The following SLC25A21 variants were observed in gnomAD, a reference collection of about 807,000 sequenced individuals.
The protein encoded by SLC25A21 is solute carrier family 25 member 21.
Under a neutral mutation model 43.8 loss-of-function variants are expected in SLC25A21, and 47 were observed. The ratio of observed to expected loss-of-function variants is 1.07; its 90% confidence interval spans 0.85 to 1.37. SLC25A21 has a LOEUF of 1.37. Ranked by LOEUF, SLC25A21 falls within the 40% of genes most tolerant of loss-of-function variation. SLC25A21 has a pLI of 0.00. For synonymous variants in SLC25A21, 131 were observed against 121.3 expected, an observed-to-expected ratio of 1.08 and a Z score of -0.52; for missense variants, 352 against 350.2, an observed-to-expected ratio of 1.00 and a Z score of -0.04.
intron 1 of SLC25A21, among the ~76,000 whole-genome samples, chr14:37,083,431 C>A (rs572763061): frequency 6.6e-6 from 1 of 152,180 alleles, no homozygotes; most frequent in African/African-American, 2.4e-5. Flanking sequence ...CAATAACACA[C>A]GTTCAGTGAC....
intron 1 of SLC25A21, among the ~76,000 whole-genome samples, chr14:37,003,433 CTA>C (rs1960531219): frequency 6.6e-6 from 1 of 152,122 alleles, no homozygotes; most frequent in Admixed American, 6.6e-5. Flanking sequence ...CCATGGAAAA[CTA>C]AAACTATGGA....
At chr14:37,139,138 G>T (rs185551319) in intron 1 of SLC25A21, among the ~76,000 whole-genome samples, 161 of 152,160 alleles carry the variant, frequency 1.1e-3, no homozygotes, top group African/African-American at 3.7e-3. Flanking sequence ...TATAGGGAAA[G>T]ATTTTAAGGA....
chr14:36,964,115 AATT>A (rs1959560721), intron 1 of SLC25A21, among the ~76,000 whole-genome samples: 1 of 152,230 alleles, frequency 6.6e-6, no homozygotes, highest in South Asian at 2.1e-4. Flanking sequence ...CATAAATACT[AATT>A]ATCATGGATT....
intron 7 of SLC25A21, among the ~76,000 whole-genome samples, chr14:36,688,578 C>T (rs778202014): frequency 3.3e-5 from 5 of 152,204 alleles, no homozygotes; most frequent in Non-Finnish European, 7.3e-5. Context: ...GGCTGCCTGC[C>T]GCCTTCGGTC....
chr14:37,146,146 T>C (rs1036887236), intron 1 of SLC25A21, among the ~76,000 whole-genome samples: 5 of 152,242 alleles, frequency 3.3e-5, no homozygotes, highest in Non-Finnish European at 5.9e-5. Flanking sequence ...TAAAAATTGA[T>C]AAATAAAACA....
At chr14:36,846,833 T>C (rs958177009) in intron 2 of SLC25A21, among the ~76,000 whole-genome samples, 11 of 152,162 alleles carry the variant, frequency 7.2e-5, no homozygotes, top group African/African-American at 2.4e-5. Flanking sequence ...TTGCATTCCA[T>C]GGAAGGAGAT....
At chr14:36,911,754 T>A (rs906006890) in intron 1 of SLC25A21, among the ~76,000 whole-genome samples, 10 of 151,948 alleles carry the variant, frequency 6.6e-5, no homozygotes, top group African/African-American at 2.4e-4. Context: ...TCAAGACCAG[T>A]AGGAGGATAA....
chr14:36,757,310 A>C (rs1271306643), intron 3 of SLC25A21, among the ~76,000 whole-genome samples: 1 of 152,178 alleles, frequency 6.6e-6, no homozygotes, highest in African/African-American at 2.4e-5. Context: ...ACCCAAATAC[A>C]TATAAAGTAC....
chr14:36,849,653 T>C lies in SLC25A21; in HGVS notation c.119+25303A>G, dbSNP rs139054748. Among the ~76,000 whole-genome samples, 51 of 152,284 alleles carry C rather than the reference T, an allele frequency of 3.3e-4. 1 individual carries two copies. The highest frequency in any genetic ancestry group is 1.2e-3 in the African/African-American group (49 of 41,558). On this transcript the variant is annotated intron_variant, in intron 2 of 9. Transcript: ENST00000331299. ...ACTCTTTAGTAAGACAAGGTGAAAT[T>C]AGATAGAAATGCCATTTCTAAAGCT...
At chr14:37,131,410 CTGTT>C (rs1410488261) in intron 1 of SLC25A21, among the ~76,000 whole-genome samples, 1 of 152,186 alleles carries the variant, frequency 6.6e-6, no homozygotes, top group Non-Finnish European at 1.5e-5. Flanking sequence ...AAGATGCTCT[CTGTT>C]TGACTGTTTG....
chr14:37,110,356 T>C (rs1256095450), intron 1 of SLC25A21, among the ~76,000 whole-genome samples: 1 of 152,166 alleles, frequency 6.6e-6, no homozygotes, highest in African/African-American at 2.4e-5. Context: ...TTTACCAAAA[T>C]CACCTAATAG....
chr14:37,110,811 C>G (rs909282089), intron 1 of SLC25A21, among the ~76,000 whole-genome samples: 2 of 152,134 alleles, frequency 1.3e-5, no homozygotes, highest in Non-Finnish European at 2.9e-5. Flanking sequence ...CCTGCTTGAA[C>G]CAGCACTTTT....
chr14:37,094,678 G>A (rs887001027), intron 1 of SLC25A21, among the ~76,000 whole-genome samples: 1 of 151,500 alleles, frequency 6.6e-6, no homozygotes, highest in Non-Finnish European at 1.5e-5. Context: ...ACACACACGT[G>A]ACTCTAGATG....
intron 1 of SLC25A21, among the ~76,000 whole-genome samples, chr14:36,887,404 A>G (rs1165204497): frequency 6.6e-6 from 1 of 151,962 alleles, no homozygotes; most frequent in Admixed American, 6.6e-5. Context: ...CTCTACTAAA[A>G]ATACAAAAGT....
At chr14:36,708,744 GTT>G (rs58837881) in intron 7 of SLC25A21, among the ~76,000 whole-genome samples, 4,894 of 108,536 alleles carry the variant, frequency 0.045, 162 homozygotes, top group African/African-American at 0.14. Flanking sequence ...GCTAACGTTA[GTT>G]TTTTTTTTTT....
In SLC25A21 at chr14:36,678,540, G is replaced by T; in HGVS notation, c.*2118C>A. 2.0e-6 allele frequency: 3 copies of T among 1,536,574 alleles called. No individual in the cohort carries two copies. The highest frequency in any genetic ancestry group is 2.6e-6 in the Non-Finnish European group (3 of 1,146,586). The stretch of plus-strand genomic sequence containing the variant: ...GAACAAAGATCCAATCCAATATTTT[G>T]GTGGAGACTTCTTTAAAACCATACC... On this transcript the variant is annotated 3_prime_UTR_variant, in exon 10 of 10. Transcript: ENST00000331299.
intron 1 of SLC25A21, among the ~76,000 whole-genome samples, chr14:37,120,639 G>A (rs975619978): frequency 7.9e-5 from 12 of 152,176 alleles, no homozygotes; most frequent in Admixed American, 2.0e-4. Flanking sequence ...AAGACACTGC[G>A]CACTACAAGC....
rs57402776 is a variant in SLC25A21 at position 36,946,957 on chromosome 14, T to A, written c.71-71953A>T. Among the ~76,000 whole-genome samples, 1,018 of 152,342 alleles carry A rather than the reference T, an allele frequency of 6.7e-3. 20 individuals carry two copies. The highest frequency in any genetic ancestry group is 0.023 in the African/African-American group (946 of 41,588). On this transcript the variant is annotated intron_variant, in intron 1 of 9. Transcript: ENST00000331299. ...AGCAGTTCATTCTGGACACTATTTA[T>A]CTTTAGTAATAATTGCTTTTAATGC...
At position 37,034,424 on chromosome 14, in the gene SLC25A21, C is replaced by G. The variant is rs775274115; in HGVS notation, c.70+137857G>C. On this transcript the variant is annotated intron_variant, in intron 1 of 9. Coordinates refer to ENST00000331299, the MANE Select transcript of SLC25A21 (RefSeq NM_030631.4). ...ATGGGATAAAGTCCATCCAAAATCACTTGGGCACTGAGAAACCTCTGCTAT... is the reference window on the plus strand; with the variant it reads ...ATGGGATAAAGTCCATCCAAAATCAGTTGGGCACTGAGAAACCTCTGCTAT... Among the ~76,000 whole-genome samples, 7 of 152,338 alleles carry G rather than the reference C, an allele frequency of 4.6e-5. No individual in the cohort carries two copies. The South Asian group carries it at 8.3e-4, about 18-fold the overall frequency.
Sources: gnomAD v4.1 joint callset for allele counts (sites outside exome capture counted in the v4.1 genomes callset) on GRCh38, gnomAD v4.1.1 for gene constraint, MANE v1.5 for transcripts, NCBI Gene and HGNC (gene_info 2026-07-23, HGNC 2026-07-21) for gene names.